Variants in MCTP2 observed in about 807,000 individuals in gnomAD.
MCTP2 encodes the protein multiple C2 and transmembrane domain-containing protein 2.
A neutral mutation model predicts 111.6 loss-of-function variants in MCTP2; 132 were observed. The observed-to-expected ratio is 1.18, with a 90% CI of 1.03 to 1.37. MCTP2 has a LOEUF of 1.37. Ranked by LOEUF, MCTP2 falls within the 40% of genes most tolerant of loss-of-function variation. The pLI is 0.00. For synonymous variants in MCTP2, 395 were observed against 387.7 expected (o/e 1.02, Z -0.22); for missense variants, 1,183 against 1,067.9 (o/e 1.11, Z -1.50).
intron 8 of MCTP2, among the ~76,000 whole-genome samples, chr15:94,346,183 C>T (rs369625000): frequency 4.6e-5 from 7 of 152,058 alleles, no homozygotes; most frequent in Middle Eastern, 3.2e-3. Flanking sequence ...TTACTAGTCA[C>T]TTAAGAAGAA....
intron 21 of MCTP2, among the ~76,000 whole-genome samples, chr15:94,475,135 A>G (rs2074250717): frequency 6.6e-6 from 1 of 152,058 alleles, no homozygotes. Context: ...CAAAAAGCCC[A>G]TGCTACAATT....
chr15:94,246,155 T>G (rs369307566), intron 1 of MCTP2, among the ~76,000 whole-genome samples: 43 of 152,212 alleles, frequency 2.8e-4, no homozygotes, highest in South Asian at 8.3e-4. Flanking sequence ...AAGGACCCTT[T>G]GCAATGCTAC....
intron 4 of MCTP2, among the ~76,000 whole-genome samples, chr15:94,316,240 A>G (rs867974277): frequency 1.4e-5 from 2 of 144,232 alleles, no homozygotes; most frequent in South Asian, 2.3e-4. Context: ...TTAATGTATA[A>G]CTATGTGCAT....
intron 14 of MCTP2, among the ~76,000 whole-genome samples, chr15:94,392,946 A>C (rs2081076920): frequency 6.6e-6 from 1 of 152,184 alleles, no homozygotes; most frequent in Non-Finnish European, 1.5e-5. Flanking sequence ...AAATCTAATG[A>C]GCTTCTATGT....
chr15:94,275,286 C>T (rs993305832), intron 1 of MCTP2, among the ~76,000 whole-genome samples: 1 of 151,976 alleles, frequency 6.6e-6, no homozygotes, highest in East Asian at 1.9e-4. Flanking sequence ...ACAGAATAAA[C>T]AAGTCATAAG....
intron 22 of MCTP2, 140 bp from the exon 23 acceptor site, chr15:94,478,826 T>C (rs1213240165): frequency 7.3e-6 from 5 of 684,558 alleles, no homozygotes; most frequent in African/African-American, 5.4e-5. Flanking sequence ...AATCCCTCCA[T>C]GTTCCTGTGT....
chr15:94,385,439 C>T lies in MCTP2; in HGVS notation c.1702C>T (p.His568Tyr), dbSNP rs915317788. 14 of 1,611,640 alleles carry T rather than the reference C, an allele frequency of 8.7e-6. No homozygotes were observed. In the Admixed American group the frequency reaches 1.0e-4, roughly 12 times the overall value. Residue 568 changes from histidine (H) to tyrosine (Y), a missense_variant, in exon 14 of 23, where the codon CAT becomes TAT. Physicochemically the swap from His to Tyr is moderately conservative, Grantham distance 83. Transcript: ENST00000357742. ...KVFTFPIKDI[H>Y]DVLEVTVFDE... ...TTGTTACAGTCCCATTAAAGATATC[C>T]ATGATGTTTTGGAAGTGACAGTGTT... is the stretch of plus-strand genomic sequence containing the variant.
At chr15:94,276,751 AAAG>A (rs1171442177) in intron 1 of MCTP2, among the ~76,000 whole-genome samples, 2 of 150,926 alleles carry the variant, frequency 1.3e-5, no homozygotes, top group Non-Finnish European at 2.9e-5. Flanking sequence ...TAAAAGGAGA[AAAG>A]AAACATGATT....
At chr15:94,267,000 T>G (rs1225360057) in intron 1 of MCTP2, among the ~76,000 whole-genome samples, 1 of 152,262 alleles carries the variant, frequency 6.6e-6, no homozygotes, top group Non-Finnish European at 1.5e-5. Context: ...GAATTGCACC[T>G]ATTCAGTTTG....
At chr15:94,435,629 C>CTTTTTTTATTTTTT (rs2083427854) in intron 17 of MCTP2, among the ~76,000 whole-genome samples, 1 of 117,922 alleles carries the variant, frequency 8.5e-6, no homozygotes, top group African/African-American at 3.1e-5. Flanking sequence ...TTTTTTTATT[C>CTTTTTTTATTTTTT]TTTTTTTTTT....
At chr15:94,345,509 T>C (rs2077931087) in intron 8 of MCTP2, among the ~76,000 whole-genome samples, 1 of 152,170 alleles carries the variant, frequency 6.6e-6, no homozygotes, top group Non-Finnish European at 1.5e-5. Context: ...GCATTGGTGT[T>C]GTAGGGGCAA....
intron 17 of MCTP2, among the ~76,000 whole-genome samples, chr15:94,409,265 C>T (rs1289373840): frequency 1.3e-5 from 2 of 152,118 alleles, no homozygotes; most frequent in Non-Finnish European, 2.9e-5. Flanking sequence ...TTGCCTCCTG[C>T]CCTTGAACAT....
At chr15:94,329,302 C>T (rs2077031272) in intron 4 of MCTP2, among the ~76,000 whole-genome samples, 1 of 152,106 alleles carries the variant, frequency 6.6e-6, no homozygotes, top group African/African-American at 2.4e-5. Flanking sequence ...TTTTTTATTA[C>T]ATGTATTTAA....
At chr15:94,241,582 A>G (rs1184632406) in intron 1 of MCTP2, among the ~76,000 whole-genome samples, 1 of 152,122 alleles carries the variant, frequency 6.6e-6, no homozygotes, top group Non-Finnish European at 1.5e-5. Context: ...TTGCTTTTTA[A>G]AGTATGTGAT....
chr15:94,245,143 T>C (rs1369633143), intron 1 of MCTP2, among the ~76,000 whole-genome samples: 2 of 148,720 alleles, frequency 1.3e-5, no homozygotes, highest in African/African-American at 2.4e-5. Context: ...TATATATTTA[T>C]ACACACATGT....
At chr15:94,293,994 A>T (rs551402793) in intron 1 of MCTP2, among the ~76,000 whole-genome samples, 1 of 152,182 alleles carries the variant, frequency 6.6e-6, no homozygotes, top group Non-Finnish European at 1.5e-5. Flanking sequence ...AAATAGATTA[A>T]TTGTGGTACA....
chr15:94,342,096 C>T (rs1369312421), intron 7 of MCTP2: 1 of 152,032 alleles, frequency 6.6e-6, no homozygotes, highest in Non-Finnish European at 1.5e-5. Context: ...GACAACTTGC[C>T]AGCTGATATC....
At chr15:94,375,052 G>A (rs757909377) in intron 12 of MCTP2, among the ~76,000 whole-genome samples, 6 of 152,222 alleles carry the variant, frequency 3.9e-5, no homozygotes, top group East Asian at 1.9e-4. Context: ...TCTGCAGGCC[G>A]TACAAGAAGC....
Position 94,375,905 on chromosome 15 carries a change from C to T in MCTP2, c.1582+5725C>T, listed in dbSNP as rs912109183. On this transcript the variant is annotated intron_variant, in intron 12 of 22. Coordinates refer to ENST00000357742, the MANE Select transcript of MCTP2 (RefSeq NM_001385001.1). ...CTTTCCAGAGAACCCAATATAGCTT[C>T]CTCGACCACTTTTTAAGTATTTCTC... is the stretch of plus-strand genomic sequence containing the variant. Among the ~76,000 whole-genome samples, 11 of 152,294 alleles carry T rather than the reference C, an allele frequency of 7.2e-5. 1 individual carries two copies. The highest frequency in any genetic ancestry group is 7.2e-5 in the African/African-American group (3 of 41,564).
Sources: gnomAD v4.1 joint callset for allele counts (sites outside exome capture counted in the v4.1 genomes callset) on GRCh38, gnomAD v4.1.1 for gene constraint, MANE v1.5 for transcripts, NCBI Gene and HGNC (gene_info 2026-07-23, HGNC 2026-07-21) for gene names.